FGD6: variants seen among roughly 807,000 people sequenced by gnomAD.
The protein encoded by FGD6 is FYVE, RhoGEF and PH domain-containing protein 6.
In FGD6, 90 loss-of-function variants were observed where a neutral mutation model predicts 149.4. The observed-to-expected ratio is 0.60, with a 90% CI of 0.51 to 0.72. The LOEUF (loss-of-function observed/expected upper bound fraction) is 0.72, where lower values mean the gene tolerates loss of function less well. Ranked by LOEUF, FGD6 falls within the 30% of genes least tolerant of loss-of-function variation. The probability of loss-of-function intolerance (pLI) is 0.00; values close to 1 mark genes in which losing one functional copy is unlikely to be tolerated. For missense variants in FGD6, 1,437 were observed against 1,684.8 expected, an observed-to-expected ratio of 0.85 and a Z score of 2.57; for synonymous variants, 527 against 584.0, an observed-to-expected ratio of 0.90 and a Z score of 1.41.
rs776559475 is a variant in FGD6 at position 95,211,228 on chromosome 12, A to G, written c.56T>C (p.Val19Ala). Residue 19 changes from valine to alanine, a missense_variant, in exon 2 of 21, where the codon GTT (valine) becomes GCT (alanine). Transcript: ENST00000343958. ...TGGGGCTGGCTTATTATTTGCCACA[A>G]CAAACTTGGGCTTGGGGGCCACTGG... ...KPPVAPKPKF[V>A]VANNKPAPPP... 4.4e-6 allele frequency: 7 copies of G among 1,604,608 alleles called. No individual in the cohort carries two copies. In the Admixed American group the frequency reaches 8.5e-5, roughly 20 times the overall value.
chr12:95,160,164 G>C (rs1880594965), intron 3 of FGD6, among the ~76,000 whole-genome samples: 1 of 151,802 alleles, frequency 6.6e-6, no homozygotes, highest in African/African-American at 2.4e-5. Flanking sequence ...GGGTAACAAA[G>C]CAAGACCTCA....
intron 3 of FGD6, among the ~76,000 whole-genome samples, chr12:95,161,333 T>C (rs556731412): frequency 6.6e-6 from 1 of 151,760 alleles, no homozygotes; most frequent in South Asian, 2.1e-4. Flanking sequence ...CCGTCTCCAC[T>C]AAAAATACAA....
At chr12:95,146,884 A>G (rs1880032519) in intron 5 of FGD6, among the ~76,000 whole-genome samples, 1 of 152,124 alleles carries the variant, frequency 6.6e-6, no homozygotes, top group South Asian at 2.1e-4. Context: ...CAAAAAATCA[A>G]TGCAAATAAA....
intron 2 of FGD6, among the ~76,000 whole-genome samples, chr12:95,186,317 C>T (rs373039610): frequency 1.5e-4 from 19 of 129,892 alleles, no homozygotes; most frequent in South Asian, 7.7e-4. Context: ...GGCACAATCT[C>T]GGCTTACTGC....
chr12:95,193,638 C>G (rs1326040847), intron 2 of FGD6, among the ~76,000 whole-genome samples: 1 of 151,400 alleles, frequency 6.6e-6, no homozygotes, highest in African/African-American at 2.4e-5. Context: ...AAGCGATTCT[C>G]TTGCCTCAGC....
At chr12:95,156,063 A>G (rs1299400011) in intron 3 of FGD6, among the ~76,000 whole-genome samples, 1 of 152,164 alleles carries the variant, frequency 6.6e-6, no homozygotes, top group Non-Finnish European at 1.5e-5. Flanking sequence ...AGGGGGATGT[A>G]TGTTGCCTCA....
chr12:95,137,172 G>C (rs1030899210), intron 7 of FGD6, among the ~76,000 whole-genome samples: 2 of 152,044 alleles, frequency 1.3e-5, no homozygotes, highest in Non-Finnish European at 2.9e-5. Flanking sequence ...CCAACTACTC[G>C]GGAAGCTGAG....
intron 5 of FGD6, among the ~76,000 whole-genome samples, chr12:95,142,501 C>T (rs994375024): frequency 1.3e-5 from 2 of 152,108 alleles, no homozygotes; most frequent in East Asian, 3.9e-4. Context: ...TGGTCTTGAA[C>T]TCCTGAGCTC....
intron 19 of FGD6, chr12:95,085,536 C>T (rs879726159): frequency 7.0e-5 from 35 of 496,544 alleles, no homozygotes; most frequent in Admixed American, 4.9e-4. Context: ...AATTAGTAGT[C>T]ACACGACACA....
In FGD6 at chr12:95,217,391, A is replaced by G; in HGVS notation, c.-151T>C. ...CCGCGGCGCAGCCTGAGCGCCACAC[A>G]AAGGACGCGGCCGACTCTAGCGACC... On this transcript the variant is annotated 5_prime_UTR_variant, in exon 1 of 21. Transcript: ENST00000343958. The G allele has an allele frequency of 7.9e-7, 1 of 1,261,504 alleles. No individual in the cohort carries two copies. Among genetic ancestry groups the G allele is most frequent in the Non-Finnish European group, 1.0e-6 (1 of 955,790 alleles). The allele number at this position is 1,261,504 out of a possible 1,614,324, so 78.1% of individuals were successfully genotyped here.
At position 95,141,444 on chromosome 12, in the gene FGD6, C is replaced by T. The variant is rs557045826; in HGVS notation, c.2781G>A (p.Gln927=). 2 of 1,614,166 alleles carry T rather than the reference C, an allele frequency of 1.2e-6. No individual in the cohort carries two copies. Among genetic ancestry groups the T allele is most frequent in the Non-Finnish European group, 1.7e-6 (2 of 1,180,032 alleles). ...ILNQILYYLP[Q]LYELNRDLLK... is the part of the protein sequence containing the mutation. ...AGAGATCCCGGTTGAGCTCATACAG[C>T]TGAGGCAAGTAGTATAGGATCTGAT... Residue 927 remains glutamine (Q), a synonymous_variant, in exon 6 of 21, where the codon CAG becomes CAA. Transcript: ENST00000343958.
At chr12:95,101,004 G>A (rs866476554) in intron 14 of FGD6, 14 of 326,378 alleles carry the variant, frequency 4.3e-5, no homozygotes, top group Middle Eastern at 6.1e-4. Flanking sequence ...AGCTGACAGC[G>A]GAAGAGAGGT....
chr12:95,122,718 ATTCTAG>A (rs1412965306), intron 8 of FGD6, among the ~76,000 whole-genome samples: 1 of 151,390 alleles, frequency 6.6e-6, no homozygotes. Context: ...TACTCATTCA[ATTCTAG>A]TCCTTGAATC....
chr12:95,140,056 AGG>A (rs1879800063), intron 6 of FGD6, among the ~76,000 whole-genome samples: 3 of 152,214 alleles, frequency 2.0e-5, no homozygotes, highest in Non-Finnish European at 4.4e-5. Context: ...CAACATATAG[AGG>A]CAAGATATTT....
At chr12:95,120,181 A>G (rs1250721920) in intron 8 of FGD6, among the ~76,000 whole-genome samples, 1 of 151,878 alleles carries the variant, frequency 6.6e-6, no homozygotes, top group Non-Finnish European at 1.5e-5. Context: ...GTGAGCTGAC[A>G]TCACGTCACT....
In FGD6 at chr12:95,209,534, T is replaced by A; in HGVS notation, c.1750A>T (p.Lys584Ter). The A allele has an allele frequency of 6.2e-7, 1 of 1,614,006 alleles. No individual in the cohort carries two copies. Among genetic ancestry groups the A allele is most frequent in the Non-Finnish European group, 8.5e-7 (1 of 1,179,992 alleles). The change falls in exon 2 of 21, where the codon AAG becomes TAG. Residue 584 changes from lysine (K) to a stop codon, truncating the protein, a stop_gained. Coordinates refer to ENST00000343958, the MANE Select transcript of FGD6 (RefSeq NM_018351.4). LOFTEE classifies it high-confidence loss of function. The stretch of plus-strand genomic sequence containing the variant: ...CTGTTTGACGATACGGTGACAGACT[T>A]TAAGAATTCTGGGTTCCCTGAAAAG... ...LPFSGNPEFLKSVTVSSNSEP... is the reference protein window; with the variant it reads ...LPFSGNPEFL
At position 95,131,699 on chromosome 12, in the gene FGD6, G is replaced by A. The variant is rs183274254; in HGVS notation, c.3082+3040C>T. Among the ~76,000 whole-genome samples the A allele has an allele frequency of 1.4e-4, 21 of 152,236 alleles. No homozygotes were observed. The East Asian group carries it at 1.5e-3, about 11-fold the overall frequency. ...GTTCTTTAATTTTAGTCCTGATTTC[G>A]TGGCCTTGAATAAGCCATTCATCAC... On this transcript the variant is annotated intron_variant, in intron 8 of 20. Coordinates refer to ENST00000343958, the MANE Select transcript of FGD6 (RefSeq NM_018351.4).
At chr12:95,085,646 G>T in intron 19 of FGD6, 134 bp downstream of exon 19, 1 of 931,258 alleles carries the variant, frequency 1.1e-6, no homozygotes, top group Non-Finnish European at 1.6e-6. Context: ...AAAAATAACA[G>T]CAACAACACC....
intron 20 of FGD6, among the ~76,000 whole-genome samples, chr12:95,083,030 T>TATATATATACACACACACACAC (rs772685891): frequency 6.4e-4 from 36 of 56,582 alleles, no homozygotes; most frequent in Non-Finnish European, 1.1e-3. Flanking sequence ...TATATATATA[T>TATATATATACACACACACACAC]ACACACACAT....
Sources: gnomAD v4.1 joint callset for allele counts (sites outside exome capture counted in the v4.1 genomes callset) on GRCh38, gnomAD v4.1.1 for gene constraint, MANE v1.5 for transcripts, NCBI Gene and HGNC (gene_info 2026-07-23, HGNC 2026-07-21) for gene names.